Variants in KDM5B observed in about 807,000 individuals in gnomAD.
KDM5B encodes the protein lysine demethylase 5B.
Under a neutral mutation model 193.4 loss-of-function variants are expected in KDM5B, and 144 were observed. The ratio of observed to expected loss-of-function variants is 0.74; its 90% CI spans 0.65 to 0.86. The LOEUF is 0.86. KDM5B is among the 40% of genes least tolerant of loss of function. The probability of loss-of-function intolerance (pLI) is 0.00; values close to 1 mark genes in which losing one functional copy is unlikely to be tolerated. For missense variants in KDM5B, 1,833 were observed against 1,886.9 expected (o/e 0.97, Z 0.53); for synonymous variants, 668 against 682.6 (o/e 0.98, Z 0.33).
intron 11 of KDM5B, among the ~76,000 whole-genome samples, chr1:202,754,463 C>CA (rs1370282563): frequency 1.3e-5 from 2 of 152,150 alleles, no homozygotes; most frequent in African/African-American, 4.8e-5. Context: ...CTTGCCCCCT[C>CA]AATGTGCACA....
chr1:202,731,944 T>C lies in KDM5B; in HGVS notation c.3910-5A>G, dbSNP rs1435468429. On this transcript the variant is annotated splice_region_variant and splice_polypyrimidine_tract_variant and intron_variant, in intron 23 of 26. Coordinates refer to ENST00000367265, the MANE Select transcript of KDM5B (RefSeq NM_006618.5). ...TGTGCCAGGAGGTTGAGATACCTAA[T>C]GGAGGGAAAACGTTTTATAATAAAA... 3 of 1,587,908 alleles carry C rather than the reference T, an allele frequency of 1.9e-6. No homozygotes were observed. Among genetic ancestry groups the C allele is most frequent in the East Asian group, 2.2e-5 (1 of 44,564 alleles).
At chr1:202,783,878 T>C (rs189291163) in intron 1 of KDM5B, among the ~76,000 whole-genome samples, 1 of 150,972 alleles carries the variant, frequency 6.6e-6, no homozygotes, top group African/African-American at 2.4e-5. Context: ...AGACTCTGTC[T>C]CAAAAAAAAA....
chr1:202,755,016 C>T (rs1655950595), intron 11 of KDM5B, among the ~76,000 whole-genome samples: 1 of 152,216 alleles, frequency 6.6e-6, no homozygotes, highest in South Asian at 2.1e-4. Flanking sequence ...CAGATAAAAA[C>T]TACCCTTCCC....
chr1:202,771,517 A>C (rs1656718777), intron 4 of KDM5B, among the ~76,000 whole-genome samples: 1 of 151,734 alleles, frequency 6.6e-6, no homozygotes, highest in Non-Finnish European at 1.5e-5. Context: ...AGCCTCCCAA[A>C]GTGCTGGGAT....
At position 202,726,121 on chromosome 1, in the gene KDM5B, G is replaced by A. The variant is rs1450482640; in HGVS notation, c.*2915C>T. ...CTTGCACTAATACCCAAAGGGCCAT[G>A]TTGCTTTTGATGGTGGGTATAATGG... On this transcript the variant is annotated 3_prime_UTR_variant, in exon 27 of 27. Coordinates refer to ENST00000367265, the MANE Select transcript of KDM5B (RefSeq NM_006618.5). The A allele has an allele frequency of 2.0e-5, 3 of 152,220 alleles. No individual in the cohort carries two copies. The highest frequency in any genetic ancestry group is 7.2e-5 in the African/African-American group (3 of 41,452). The allele number at this position is 152,220 out of a possible 1,614,324, so 9.4% of individuals were successfully genotyped here. A position where few individuals can be genotyped will look rare whatever the true frequency, so the allele number is the denominator to read the frequency against.
intron 16 of KDM5B, among the ~76,000 whole-genome samples, chr1:202,745,171 T>C (rs1044856221): frequency 2.6e-5 from 4 of 152,034 alleles, no homozygotes; most frequent in Admixed American, 6.6e-5. Context: ...ATGGAGCCTA[T>C]TGGAGGGTGG....
At chr1:202,768,326 C>T (rs932528308) in intron 4 of KDM5B, among the ~76,000 whole-genome samples, 1 of 152,108 alleles carries the variant, frequency 6.6e-6, no homozygotes, top group African/African-American at 2.4e-5. Context: ...TCACGAAAAA[C>T]CTTTGTAAAA....
chr1:202,740,657 T>A lies in KDM5B; in HGVS notation c.3084+17A>T, dbSNP rs746743494. ...TGGATGCACTTACACATTCTGTATA[T>A]ACTTTTTAAAACCAACCTGCAGGCC... On this transcript the variant is annotated intron_variant, in intron 20 of 26. Coordinates refer to ENST00000367265, the MANE Select transcript of KDM5B (RefSeq NM_006618.5). 6.2e-7 allele frequency: 1 copy of A among 1,608,746 alleles called. No individual in the cohort carries two copies. Among genetic ancestry groups the A allele is most frequent in the Non-Finnish European group, 8.5e-7 (1 of 1,177,714 alleles).
Position 202,748,073 on chromosome 1 carries a change from C to G in KDM5B, c.2016+872G>C, listed in dbSNP as rs895130491. Among the ~76,000 whole-genome samples, 14 of 152,076 alleles carry G rather than the reference C, an allele frequency of 9.2e-5. No homozygotes were observed. The South Asian group carries it at 1.0e-3, about 11-fold the overall frequency. On this transcript the variant is annotated intron_variant, in intron 14 of 26. Transcript: ENST00000367265. ...GCAATAGAATAGATGCATAGATCACCAGAACACAAGAGTCCAGAAATAGAC... is the reference window on the plus strand; with the variant it reads ...GCAATAGAATAGATGCATAGATCACGAGAACACAAGAGTCCAGAAATAGAC...
intron 11 of KDM5B, among the ~76,000 whole-genome samples, chr1:202,754,719 G>C (rs1558494012): frequency 6.6e-6 from 1 of 152,226 alleles, no homozygotes; most frequent in Admixed American, 6.5e-5. Flanking sequence ...GTTTCGCTCT[G>C]TTGCCCAGGC....
At chr1:202,748,616 C>G (rs183466667) in intron 14 of KDM5B, among the ~76,000 whole-genome samples, 1 of 152,046 alleles carries the variant, frequency 6.6e-6, no homozygotes, top group East Asian at 1.9e-4. Flanking sequence ...CGCCTGTAAT[C>G]CCAGCACATT....
At chr1:202,747,579 A>AAC (rs1655611462) in intron 14 of KDM5B, among the ~76,000 whole-genome samples, 1 of 151,920 alleles carries the variant, frequency 6.6e-6, no homozygotes, top group South Asian at 2.1e-4. Flanking sequence ...TAAAAAAAAA[A>AAC]AAAAAAACAG....
At chr1:202,734,098 C>T (rs1655003163) in intron 22 of KDM5B, among the ~76,000 whole-genome samples, 2 of 151,962 alleles carry the variant, frequency 1.3e-5, no homozygotes, top group South Asian at 4.1e-4. Context: ...TAATAGTGCC[C>T]ACCTTACAGG....
chr1:202,767,400 C>A (rs1347183277), intron 4 of KDM5B: 2 of 1,448,122 alleles, frequency 1.4e-6, no homozygotes, highest in African/African-American at 2.8e-5. Flanking sequence ...CTGTGAACCT[C>A]CGGATGCTCT....
chr1:202,748,711 ATTTT>A (rs932723648), intron 14 of KDM5B, among the ~76,000 whole-genome samples: 1 of 151,968 alleles, frequency 6.6e-6, no homozygotes, highest in African/African-American at 2.4e-5. Flanking sequence ...TCTACAAAAC[ATTTT>A]TTTTAAAGGG....
intron 6 of KDM5B, among the ~76,000 whole-genome samples, chr1:202,763,301 T>C (rs1365190706): frequency 1.3e-5 from 2 of 152,208 alleles, no homozygotes; most frequent in African/African-American, 4.8e-5. Flanking sequence ...TATCATGTGG[T>C]AGGCATTGTG....
intron 1 of KDM5B, among the ~76,000 whole-genome samples, chr1:202,780,132 A>G (rs1249123998): frequency 6.6e-6 from 1 of 152,166 alleles, no homozygotes; most frequent in Non-Finnish European, 1.5e-5. Flanking sequence ...TTTAGCTATC[A>G]GATTAACAGC....
chr1:202,764,054 T>A lies in KDM5B; in HGVS notation c.803A>T (p.Glu268Val). The change falls in exon 6 of 27, where the codon GAA becomes GTA. Residue 268 changes from glutamate to valine, a missense_variant. Coordinates refer to ENST00000367265, the MANE Select transcript of KDM5B (RefSeq NM_006618.5). ...RRMGCPTPKC[E>V]NEKEMKSSIK... is the part of the protein sequence containing the mutation. ...TCATTGACAAATTTTCTTACCATTTTCACATTTTGGAGTTGGACAACCCAT... is the reference window on the plus strand; with the variant it reads ...TCATTGACAAATTTTCTTACCATTTACACATTTTGGAGTTGGACAACCCAT... 4 of 1,546,284 alleles carry A rather than the reference T, an allele frequency of 2.6e-6. No individual in the cohort carries two copies. Among genetic ancestry groups the A allele is most frequent in the Non-Finnish European group, 3.5e-6 (4 of 1,134,036 alleles).
At chr1:202,774,766 A>G in intron 2 of KDM5B, 31 bp from the exon 3 acceptor site, 1 of 1,598,706 alleles carries the variant, frequency 6.3e-7, no homozygotes, top group East Asian at 2.2e-5. Flanking sequence ...TTTTCATCTC[A>G]TTTAGCTTAT....
Sources: gnomAD v4.1 joint callset for allele counts (sites outside exome capture counted in the v4.1 genomes callset) on GRCh38, gnomAD v4.1.1 for gene constraint, MANE v1.5 for transcripts, NCBI Gene and HGNC (gene_info 2026-07-23, HGNC 2026-07-21) for gene names.